Variants in SQOR observed in about 807,000 individuals in gnomAD.
The protein encoded by SQOR is sulfide:quinone oxidoreductase, mitochondrial.
SQOR carries 39 observed loss-of-function variants against 48.6 expected under a neutral mutation model. The observed-to-expected ratio is 0.80, with a 90% CI of 0.62 to 1.05. The LOEUF (loss-of-function observed/expected upper bound fraction) is 1.05, where lower values mean the gene tolerates loss of function less well. Ranked by LOEUF, SQOR falls within the 50% of genes least tolerant of loss-of-function variation. The probability of loss-of-function intolerance (pLI) is 0.00; values close to 1 mark genes in which losing one functional copy is unlikely to be tolerated. For synonymous variants in SQOR, 220 were observed against 206.2 expected (o/e 1.07, Z -0.57); for missense variants, 561 against 559.9 (o/e 1.00, Z -0.02).
At chr15:45,685,418 G>A (rs370610170) in intron 7 of SQOR, among the ~76,000 whole-genome samples, 10 of 152,200 alleles carry the variant, frequency 6.6e-5, no homozygotes, top group East Asian at 3.9e-4. Context: ...CTGGCTTTCC[G>A]GAGCTCATGT....
chr15:45,650,523 C>T (rs1007325662), intron 1 of SQOR, among the ~76,000 whole-genome samples: 2 of 152,108 alleles, frequency 1.3e-5, no homozygotes, highest in African/African-American at 4.8e-5. Flanking sequence ...AGATTTATGG[C>T]AAAGAGCAAA....
intron 7 of SQOR, among the ~76,000 whole-genome samples, chr15:45,684,877 C>T (rs899328610): frequency 3.9e-5 from 6 of 152,278 alleles, no homozygotes; most frequent in South Asian, 4.2e-4. Context: ...AGTGCATCTG[C>T]GTGGCTTTCA....
chr15:45,642,820 T>C (rs1434631973), intron 1 of SQOR, among the ~76,000 whole-genome samples: 2 of 152,100 alleles, frequency 1.3e-5, no homozygotes, highest in Non-Finnish European at 2.9e-5. Flanking sequence ...CTTTCCCACG[T>C]CTTCCGAAAT....
rs1397745320 is a variant in SQOR, at chr15:45,690,989, C to G, written c.1312C>G (p.Pro438Ala). 15 of 1,614,006 alleles carry G rather than the reference C, an allele frequency of 9.3e-6. No homozygotes were observed. The highest frequency in any genetic ancestry group is 1.3e-5 in the Non-Finnish European group (15 of 1,180,014). The stretch of plus-strand genomic sequence containing the variant: ...TTCTTACAGGGGTTACTGGGGAGGA[C>G]CAGCGTTTCTGCGCAAGTTGTTTCA... ...NMMLRGYWGG[P>A]AFLRKLFHLG... Residue 438 changes from proline to alanine, a missense_variant, in exon 10 of 10, where the codon CCA (proline) becomes GCA (alanine). Transcript: ENST00000260324.
chr15:45,683,652 C>G (rs919733855), intron 7 of SQOR, among the ~76,000 whole-genome samples: 1 of 152,074 alleles, frequency 6.6e-6, no homozygotes, highest in African/African-American at 2.4e-5. Flanking sequence ...GGTAGACCAT[C>G]TAGGAAACTC....
At position 45,676,100 on chromosome 15, in the gene SQOR, G is replaced by A. The variant is rs759098603; in HGVS notation, c.655-1G>A. The A allele has an allele frequency of 4.3e-6, 7 of 1,610,992 alleles. No homozygotes were observed. The South Asian group carries it at 7.7e-5, about 18-fold the overall frequency. On this transcript the variant is annotated splice_acceptor_variant, in intron 5 of 9. Coordinates refer to ENST00000260324, the MANE Select transcript of SQOR (RefSeq NM_021199.4). LOFTEE classifies it high-confidence loss of function. ...GTGAATGGTTTTCTTATTTTTCTCA[G>A]ACAGGGAAGCGATCCAAGGCCAATA...
In SQOR at chr15:45,641,329, T is replaced by G. The variant is rs145444344; in HGVS notation, c.-18+6221T>G. The stretch of plus-strand genomic sequence containing the variant: ...TAAAGTCCTCATTAGCAACTCTTAA[T>G]CAGTAACTCTGCAAAGAAAATTCCT... On this transcript the variant is annotated intron_variant, in intron 1 of 9. Transcript: ENST00000260324. 6.2e-3 allele frequency among the ~76,000 whole-genome samples: 945 copies of G among 152,276 alleles called. 2 individuals carry two copies. The highest frequency in any genetic ancestry group is 0.022 in the African/African-American group (911 of 41,548).
At chr15:45,634,037 A>G (rs1894948026), upstream of SQOR, among the ~76,000 whole-genome samples, 1 of 150,116 alleles carries the variant, frequency 6.7e-6, no homozygotes, top group Non-Finnish European at 1.5e-5. Context: ...TTAGCCGGGC[A>G]TGGTGGCACA....
intron 1 of SQOR, among the ~76,000 whole-genome samples, chr15:45,641,188 G>C (rs1895099799): frequency 6.6e-6 from 1 of 152,098 alleles, no homozygotes; most frequent in East Asian, 1.9e-4. Context: ...AATTGTATTG[G>C]TTTGGTGAAA....
intron 1 of SQOR, among the ~76,000 whole-genome samples, chr15:45,643,895 T>C (rs77751058): frequency 1.0e-3 from 158 of 152,292 alleles, no homozygotes; most frequent in African/African-American, 3.5e-3. Flanking sequence ...TGGAGGATAG[T>C]ATATGACAAA....
chr15:45,652,956 C>T (rs1232992488), intron 1 of SQOR, among the ~76,000 whole-genome samples: 3 of 150,086 alleles, frequency 2.0e-5, no homozygotes, highest in Non-Finnish European at 4.4e-5. Flanking sequence ...AAGATTCCGC[C>T]TCAAAAAAAA....
intron 7 of SQOR, among the ~76,000 whole-genome samples, chr15:45,687,183 G>A (rs1463956707): frequency 6.6e-6 from 1 of 152,070 alleles, no homozygotes; most frequent in Non-Finnish European, 1.5e-5. Context: ...GTGGAGTGCA[G>A]TGGTGCCATC....
chr15:45,676,434 C>A, intron 6 of SQOR, 124 bp downstream of exon 6: 1 of 1,008,946 alleles, frequency 9.9e-7, no homozygotes, highest in Non-Finnish European at 1.5e-6. Flanking sequence ...GTGAAATGAG[C>A]ATCTTAGGGA....
chr15:45,688,508 T>C (rs533524982), intron 8 of SQOR, 104 bp downstream of exon 8: 27 of 874,476 alleles, frequency 3.1e-5, no homozygotes, highest in Admixed American at 1.0e-4. Context: ...TCTTTTTTTC[T>C]GTTTTTCTTT....
intron 5 of SQOR, 51 bp from the exon 6 acceptor site, chr15:45,676,050 A>AC: frequency 6.6e-7 from 1 of 1,525,192 alleles, no homozygotes; most frequent in Non-Finnish European, 8.8e-7. Context: ...AAAAAAAAAA[A>AC]AGGCAGCTGC....
chr15:45,689,249 A>AACC (rs755508643), intron 9 of SQOR, 32 bp downstream of exon 9: 16 of 1,609,508 alleles, frequency 9.9e-6, no homozygotes, highest in Non-Finnish European at 9.3e-6. Flanking sequence ...TGGATGAGGA[A>AACC]AGGGATTTGT....
intron 1 of SQOR, among the ~76,000 whole-genome samples, chr15:45,645,573 A>G (rs1895190136): frequency 6.6e-6 from 1 of 152,218 alleles, no homozygotes; most frequent in African/African-American, 2.4e-5. Context: ...AATGAGAGAC[A>G]ATCAGCCCTG....
upstream of SQOR, among the ~76,000 whole-genome samples, chr15:45,633,708 A>AG: frequency 6.6e-6 from 1 of 150,898 alleles, no homozygotes; most frequent in African/African-American, 2.5e-5. Context: ...AAAAAAAAAA[A>AG]AAAAAGAAGA....
At chr15:45,636,084 C>T (rs1894999231) in intron 1 of SQOR, among the ~76,000 whole-genome samples, 1 of 152,128 alleles carries the variant, frequency 6.6e-6, no homozygotes, top group Non-Finnish European at 1.5e-5. Flanking sequence ...ACACTTCGGC[C>T]TTCCAAAGTG....
Sources: allele counts gnomAD v4.1 joint callset (sites outside exome capture counted in the v4.1 genomes callset), GRCh38; gene constraint gnomAD v4.1.1; transcripts MANE v1.5; gene names NCBI Gene and HGNC (gene_info 2026-07-23, HGNC 2026-07-21).